Variants in EZH2 observed in about 807,000 individuals in gnomAD.
EZH2 encodes enhancer of zeste 2 polycomb repressive complex 2 subunit.
Under a neutral mutation model 98.4 loss-of-function variants are expected in EZH2, and 18 were observed. The observed-to-expected ratio is 0.18, with a 90% CI of 0.13 to 0.27. EZH2 has a LOEUF of 0.27. Among genes scored for constraint, EZH2 ranks in the 10% least tolerant of loss-of-function variants. The probability of loss-of-function intolerance (pLI) is 1.00; values close to 1 mark genes in which losing one functional copy is unlikely to be tolerated. For synonymous variants in EZH2, 338 were observed against 312.3 expected (o/e 1.08, Z -0.87); for missense variants, 470 against 935.1 (o/e 0.50, Z 6.49).
At chr7:148,867,700 T>C (rs1183171771) in intron 1 of EZH2, among the ~76,000 whole-genome samples, 2 of 152,250 alleles carry the variant, frequency 1.3e-5, no homozygotes, top group East Asian at 3.8e-4. Flanking sequence ...TTCTACCACA[T>C]GGCAGGCTGC....
At chr7:148,813,052 TACACACACACACAC>T (rs142835355) in intron 15 of EZH2, among the ~76,000 whole-genome samples, 2 of 132,182 alleles carry the variant, frequency 1.5e-5, no homozygotes, top group East Asian at 2.3e-4. Context: ...ACACCCCACA[TACACACACACACAC>T]ACACACACAC....
At chr7:148,849,888 C>A (rs569829153) in intron 1 of EZH2, among the ~76,000 whole-genome samples, 6 of 152,184 alleles carry the variant, frequency 3.9e-5, no homozygotes, top group African/African-American at 1.4e-4. Flanking sequence ...TAGCCTCATT[C>A]GCTCATAGGC....
rs1246124372 is a variant in EZH2, at chr7:148,809,269, A to T, written c.2110+41T>A. The T allele has an allele frequency of 8.8e-6, 14 of 1,587,116 alleles. 1 individual carries two copies. In the Admixed American group the frequency reaches 2.2e-4, roughly 25 times the overall value. On this transcript the variant is annotated intron_variant, in intron 18 of 19. Coordinates refer to ENST00000320356, the MANE Select transcript of EZH2 (RefSeq NM_004456.5). ...AAGTATTCAAGTCCATCATCACAGG[A>T]CTGAAAAGGGAGTTCCAATTCTCAC...
chr7:148,873,557 A>ATTTTTTTTTTTTTTTTTTTTTTTTTCT (rs58553084), intron 1 of EZH2, among the ~76,000 whole-genome samples: 1 of 79,938 alleles, frequency 1.3e-5, no homozygotes, highest in African/African-American at 5.0e-5. Context: ...CATGCTCTTC[A>ATTTTTTTTTTTTTTTTTTTTTTTTTCT]TTTTTTTTTT....
In EZH2 at chr7:148,832,625, T is replaced by A; in HGVS notation, c.363+9A>T. The A allele has an allele frequency of 7.2e-7, 1 of 1,396,124 alleles. No homozygotes were observed. Among genetic ancestry groups the A allele is most frequent in the Non-Finnish European group, 9.9e-7 (1 of 1,005,034 alleles). The allele number at this position is 1,396,124 out of a possible 1,614,324, so 86.5% of individuals were successfully genotyped here. On this transcript the variant is annotated intron_variant, in intron 4 of 19. Coordinates refer to ENST00000320356, the MANE Select transcript of EZH2 (RefSeq NM_004456.5). ...TATCAAATAAGCAGAAGATATCTTA[T>A]TTACATACCATAAAATTCTGCTGTA...
intron 16 of EZH2, among the ~76,000 whole-genome samples, chr7:148,810,896 C>CAAAAAAAAA (rs924758768): frequency 1.6e-4 from 7 of 43,676 alleles, no homozygotes; most frequent in African/African-American, 5.2e-4. Flanking sequence ...AACTCTGTCT[C>CAAAAAAAAA]AAAAAAAAAA....
rs1437977406 is a variant in EZH2, at chr7:148,809,333, A to G, written c.2087T>C (p.Val696Ala). 1 of 1,604,240 alleles carries G rather than the reference A, an allele frequency of 6.2e-7. No individual in the cohort carries two copies. Among genetic ancestry groups the G allele is most frequent in the Non-Finnish European group, 8.5e-7 (1 of 1,171,600 alleles). Residue 696 changes from valine to alanine, a missense_variant, in exon 18 of 20, where the codon GTA becomes GCA. Val to Ala is a moderately conservative substitution (Grantham distance 64, BLOSUM62 0). Transcript: ENST00000320356. ...GNKIRFANHS[V>A]NPNCYAKVMM... ...ACCTTTTGCATAGCAGTTTGGATTT[A>G]CCGAATGATTTGCAAAACGAATTTT... is the stretch of plus-strand genomic sequence containing the variant.
chr7:148,814,267 T>C (rs566374799), intron 14 of EZH2, 130 bp from the exon 15 acceptor site: 6 of 733,844 alleles, frequency 8.2e-6, no homozygotes, highest in African/African-American at 3.5e-5. Flanking sequence ...TACCCTACTA[T>C]ATAGACAAGG....
chr7:148,866,660 A>G (rs527712355), intron 1 of EZH2, among the ~76,000 whole-genome samples: 4 of 147,032 alleles, frequency 2.7e-5, no homozygotes, highest in Non-Finnish European at 6.0e-5. Flanking sequence ...GTATATACGT[A>G]TATGCATATA....
At chr7:148,876,925 G>A (rs1315357312) in intron 1 of EZH2, among the ~76,000 whole-genome samples, 3 of 152,068 alleles carry the variant, frequency 2.0e-5, no homozygotes, top group African/African-American at 4.8e-5. Flanking sequence ...TGAAGCTAAC[G>A]TACCCAAATT....
chr7:148,838,373 A>G (rs936237711), intron 3 of EZH2, among the ~76,000 whole-genome samples: 4 of 152,072 alleles, frequency 2.6e-5, no homozygotes, highest in Non-Finnish European at 5.9e-5. Flanking sequence ...ATGCAAACCT[A>G]CTTAATCCTA....
Position 148,829,756 on chromosome 7 carries a change from A to G in EZH2, c.456T>C (p.Asn152=), listed in dbSNP as rs1808810961. 2 of 1,610,514 alleles carry G rather than the reference A, an allele frequency of 1.2e-6. No homozygotes were observed. Among genetic ancestry groups the G allele is most frequent in the Non-Finnish European group, 1.7e-6 (2 of 1,178,866 alleles). ...DGTFIEELIK[N]YDGKVHGDRE... The stretch of plus-strand genomic sequence containing the variant: ...TATCCCCGTGTACTTTCCCATCATA[A>G]TTTTTTATTAGTTCTTCAATGAAAG... Residue 152 remains asparagine (N), a synonymous_variant, in exon 5 of 20, where the codon AAT becomes AAC. Coordinates refer to ENST00000320356, the MANE Select transcript of EZH2 (RefSeq NM_004456.5).
At chr7:148,863,711 T>C (rs1818034812) in intron 1 of EZH2, among the ~76,000 whole-genome samples, 1 of 152,206 alleles carries the variant, frequency 6.6e-6, no homozygotes, top group South Asian at 2.1e-4. Flanking sequence ...CACAAGCTCA[T>C]TACTGTGAGG....
In EZH2 at chr7:148,819,659, C is replaced by G. The variant is rs1315592469; in HGVS notation, c.936G>C (p.Lys312Asn). The change falls in exon 9 of 20, where the codon AAG becomes AAC. Residue 312 changes from lysine (K) to asparagine (N), a missense_variant. Lys to Asn is a moderately conservative substitution (Grantham distance 94, BLOSUM62 0). Transcript: ENST00000320356. ...CTAGAGCTGTTTCTGTGTTCTTCCG[C>G]TTATAAGTGTTGGGTGTTGCATGAA... ...YSFHATPNTYKRKNTETALDN... is the reference protein window; with the variant it reads ...YSFHATPNTYNRKNTETALDN... 6.2e-7 allele frequency: 1 copy of G among 1,614,034 alleles called. No individual in the cohort carries two copies. The highest frequency in any genetic ancestry group is 8.5e-7 in the Non-Finnish European group (1 of 1,179,946).
chr7:148,880,398 CAGTTA>C (rs1350608716), intron 1 of EZH2, among the ~76,000 whole-genome samples: 1 of 152,208 alleles, frequency 6.6e-6, no homozygotes, highest in Non-Finnish European at 1.5e-5. Context: ...AACAGCTTTT[CAGTTA>C]AAAGATCTAC....
At chr7:148,816,650 T>C (rs753536386) in intron 12 of EZH2, 34 bp downstream of exon 12, 2 of 1,535,044 alleles carry the variant, frequency 1.3e-6, no homozygotes, top group Admixed American at 1.7e-5. Context: ...TCTATCTATG[T>C]TGACTTCTCT....
chr7:148,860,598 G>C (rs1005392297), intron 1 of EZH2, among the ~76,000 whole-genome samples: 1 of 152,156 alleles, frequency 6.6e-6, no homozygotes, highest in Non-Finnish European at 1.5e-5. Flanking sequence ...GACCTGTTTA[G>C]TTTATATGTG....
At chr7:148,812,489 A>T (rs1803369871) in intron 15 of EZH2, among the ~76,000 whole-genome samples, 1 of 152,036 alleles carries the variant, frequency 6.6e-6, no homozygotes, top group Non-Finnish European at 1.5e-5. Flanking sequence ...CCATCTTACC[A>T]CTCACCTGTC....
At position 148,807,624 on chromosome 7, in the gene EZH2, AG is replaced by A. The variant is rs3217095; in HGVS notation, c.*21del. 1,094,747 of 1,577,650 alleles carry A rather than the reference AG, an allele frequency of 0.69. 383,500 individuals carry two copies. Among genetic ancestry groups the A allele is most frequent in the African/African-American group, 0.94 (69,856 of 74,248 alleles). ...GAAGCTAAGGCAGCTGTTTCAGAGG[AG>A]GGGGGAGGAGGTAGCAGATGTCAAG... On this transcript the variant is annotated 3_prime_UTR_variant, in exon 20 of 20. Coordinates refer to ENST00000320356, the MANE Select transcript of EZH2 (RefSeq NM_004456.5).
Sources: gnomAD v4.1 joint callset for allele counts (sites outside exome capture counted in the v4.1 genomes callset) on GRCh38, gnomAD v4.1.1 for gene constraint, MANE v1.5 for transcripts, NCBI Gene and HGNC (gene_info 2026-07-23, HGNC 2026-07-21) for gene names.